Variants in NEDD1 observed in about 807,000 individuals in gnomAD.
The protein encoded by NEDD1 is protein NEDD1.
A neutral mutation model predicts 74.0 loss-of-function variants in NEDD1; 33 were observed. The ratio of observed to expected loss-of-function variants is 0.45; its 90% CI spans 0.34 to 0.60. The LOEUF (loss-of-function observed/expected upper bound fraction) is 0.60, where lower values mean the gene tolerates loss of function less well. NEDD1 is among the 20% of genes least tolerant of loss of function. The pLI, the probability that NEDD1 is intolerant of heterozygous loss-of-function variation, is 0.01. For missense variants in NEDD1, 746 were observed against 776.5 expected (o/e 0.96, Z 0.47); for synonymous variants, 250 against 264.4 (o/e 0.95, Z 0.53).
At chr12:96,934,507 T>C (rs1044930348) in intron 6 of NEDD1, among the ~76,000 whole-genome samples, 1 of 151,898 alleles carries the variant, frequency 6.6e-6, no homozygotes, top group Non-Finnish European at 1.5e-5. Flanking sequence ...TTTTCTTTTT[T>C]TTTTTTAAGA....
chr12:96,932,459 A>ATATATAT (rs1471701288), intron 6 of NEDD1, among the ~76,000 whole-genome samples: 21 of 12,064 alleles, frequency 1.7e-3, no homozygotes, highest in Admixed American at 3.2e-3. Context: ...AAAAAAAAAA[A>ATATATAT]AAAAATATAT....
chr12:96,914,440 A>G (rs537413606), intron 4 of NEDD1, among the ~76,000 whole-genome samples: 3 of 152,288 alleles, frequency 2.0e-5, no homozygotes, highest in African/African-American at 7.2e-5. Flanking sequence ...CCCATAGTTA[A>G]CAAATTGTAT....
At chr12:96,935,242 A>G (rs1876971889) in intron 7 of NEDD1, 37 bp downstream of exon 7, 3 of 1,172,524 alleles carry the variant, frequency 2.6e-6, no homozygotes, top group Non-Finnish European at 2.6e-6. Flanking sequence ...TTTAGTAACA[A>G]ATAGCTATTA....
At position 96,918,817 on chromosome 12, in the gene NEDD1, T is replaced by G. The variant is rs528262268; in HGVS notation, c.348+1080T>G. Reference sequence around the variant, plus strand: ...CATAGAAATTACATTGGACCCCATGTTCTTAATTTCCCAAATGGGAACGAT... The same window carrying G: ...CATAGAAATTACATTGGACCCCATGGTCTTAATTTCCCAAATGGGAACGAT... On this transcript the variant is annotated intron_variant, in intron 5 of 15. Transcript: ENST00000266742. Among the ~76,000 whole-genome samples, 4 of 152,312 alleles carry G rather than the reference T, an allele frequency of 2.6e-5. No individual in the cohort carries two copies. The South Asian group carries it at 8.3e-4, about 32-fold the overall frequency.
intron 3 of NEDD1, among the ~76,000 whole-genome samples, chr12:96,910,415 A>G (rs1049554707): frequency 6.6e-6 from 1 of 152,212 alleles, no homozygotes; most frequent in Admixed American, 6.5e-5. Flanking sequence ...GTGTGTGATG[A>G]AAATTACATT....
chr12:96,945,918 C>A, intron 14 of NEDD1, 69 bp downstream of exon 14: 1 of 920,634 alleles, frequency 1.1e-6, no homozygotes, highest in Non-Finnish European at 1.7e-6. Flanking sequence ...AAAACCAGAA[C>A]TATAGATAAT....
chr12:96,930,205 ACACACACT>A (rs1222363465), intron 6 of NEDD1, among the ~76,000 whole-genome samples: 25 of 76,448 alleles, frequency 3.3e-4, no homozygotes, highest in African/African-American at 5.8e-4. Context: ...ACACACACAC[ACACACACT>A]CTCTCTCTCT....
At chr12:96,916,703 C>G (rs1427181881) in intron 4 of NEDD1, among the ~76,000 whole-genome samples, 1 of 151,396 alleles carries the variant, frequency 6.6e-6, no homozygotes, top group East Asian at 1.9e-4. Flanking sequence ...GTGAGTAATG[C>G]CGCAATAAAC....
At chr12:96,914,733 G>A (rs1163120643) in intron 4 of NEDD1, among the ~76,000 whole-genome samples, 2 of 151,940 alleles carry the variant, frequency 1.3e-5, no homozygotes, top group Non-Finnish European at 2.9e-5. Flanking sequence ...CTTTGATTTT[G>A]TATTTCACCT....
intron 5 of NEDD1, 130 bp downstream of exon 5, chr12:96,917,867 G>A: frequency 8.7e-7 from 1 of 1,152,586 alleles, no homozygotes. Flanking sequence ...AGATTTGTTA[G>A]GGAAAATAAA....
chr12:96,907,477 G>A (rs1273941383), intron 1 of NEDD1, 127 bp from the exon 2 acceptor site: 4 of 787,568 alleles, frequency 5.1e-6, no homozygotes, highest in Non-Finnish European at 8.6e-6. Context: ...GGAAGTGTCC[G>A]GGGAGGCGCG....
At chr12:96,920,162 A>T in intron 6 of NEDD1, 37 bp downstream of exon 6, 1 of 1,370,592 alleles carries the variant, frequency 7.3e-7, no homozygotes, top group Non-Finnish European at 9.9e-7. Context: ...AATTGGTAAG[A>T]TAGATTTTGA....
intron 6 of NEDD1, among the ~76,000 whole-genome samples, chr12:96,925,841 T>C (rs1272405577): frequency 6.6e-6 from 1 of 152,206 alleles, no homozygotes; most frequent in Non-Finnish European, 1.5e-5. Flanking sequence ...ATGGGCCTGC[T>C]GCCTCCTGCT....
intron 6 of NEDD1, among the ~76,000 whole-genome samples, chr12:96,928,329 T>C (rs1875938483): frequency 6.6e-6 from 1 of 152,186 alleles, no homozygotes; most frequent in African/African-American, 2.4e-5. Flanking sequence ...CTAAAAATCC[T>C]CTATTGTTTT....
At chr12:96,937,882 A>G (rs76788484) in intron 9 of NEDD1, among the ~76,000 whole-genome samples, 3,141 of 152,224 alleles carry the variant, frequency 0.021, 105 homozygotes, top group African/African-American at 0.072. Flanking sequence ...GATGTGTTAT[A>G]TGATAAGCTT....
chr12:96,939,055 TA>T (rs1877407451), intron 9 of NEDD1, among the ~76,000 whole-genome samples: 1 of 152,076 alleles, frequency 6.6e-6, no homozygotes, highest in Non-Finnish European at 1.5e-5. Context: ...AGGCACTCAG[TA>T]CACTATGGTG....
chr12:96,937,095 G>C, intron 8 of NEDD1, 103 bp from the exon 9 acceptor site: 1 of 663,014 alleles, frequency 1.5e-6, no homozygotes, highest in South Asian at 4.4e-5. Flanking sequence ...AGATTTGCAA[G>C]GAAAAAAATA....
chr12:96,920,087 A>G lies in NEDD1; in HGVS notation c.451A>G (p.Asn151Asp). The change falls in exon 6 of 16, where the codon AAT (asparagine) becomes GAT (aspartate). Residue 151 changes from asparagine to aspartate, a missense_variant. Asn to Asp is a conservative substitution (Grantham distance 23). Around this residue, in one of 3 missense-constraint regions of NEDD1, gnomAD observed 706 missense variants for 706.7 expected, o/e 1.00. Coordinates refer to ENST00000266742, the MANE Select transcript of NEDD1 (RefSeq NM_152905.4). The part of the protein sequence containing the change: ...GEIILHSVTT[N>D]LSSTPFGHGS... Reference sequence around the variant, plus strand: ...AATTATTTTACACAGTGTAACCACTAATTTATCTAGTACTCCTTTTGGCCA... The same window carrying G: ...AATTATTTTACACAGTGTAACCACTGATTTATCTAGTACTCCTTTTGGCCA... 1 of 1,606,122 alleles carries G rather than the reference A, an allele frequency of 6.2e-7. No individual in the cohort carries two copies. Among genetic ancestry groups the G allele is most frequent in the Non-Finnish European group, 8.5e-7 (1 of 1,173,968 alleles).
At chr12:96,913,034 A>G (rs1157995692) in intron 4 of NEDD1, among the ~76,000 whole-genome samples, 1 of 152,190 alleles carries the variant, frequency 6.6e-6, no homozygotes, top group Non-Finnish European at 1.5e-5. Flanking sequence ...ACAATTGAAG[A>G]CTTGAATTTT....
Sources: allele counts gnomAD v4.1 joint callset (sites outside exome capture counted in the v4.1 genomes callset), GRCh38; gene constraint gnomAD v4.1.1; regional missense constraint gnomAD v4.1.1; transcripts MANE v1.5; gene names NCBI Gene and HGNC (gene_info 2026-07-23, HGNC 2026-07-21).